The following NHEJ1 variants were observed in gnomAD, a reference collection of about 807,000 sequenced individuals.
NHEJ1 encodes non-homologous end joining factor 1.
A neutral mutation model predicts 39.4 loss-of-function variants in NHEJ1; 22 were observed. The ratio of observed to expected loss-of-function variants is 0.56; its 90% confidence interval spans 0.40 to 0.80. The LOEUF (loss-of-function observed/expected upper bound fraction) is 0.80, where lower values mean the gene tolerates loss of function less well. Ranked by LOEUF, NHEJ1 falls within the 30% of genes least tolerant of loss-of-function variation. NHEJ1 has a pLI of 0.00. For missense variants in NHEJ1, 329 were observed against 357.1 expected (o/e 0.92, Z 0.63); for synonymous variants, 154 against 135.6 (o/e 1.14, Z -0.94).
chr2:219,160,343 A>G (rs1574753238), intron 1 of NHEJ1, among the ~76,000 whole-genome samples: 1 of 151,730 alleles, frequency 6.6e-6, no homozygotes, highest in Non-Finnish European at 1.5e-5. Flanking sequence ...CCATAGCCCC[A>G]CCCCAGGAGC....
chr2:219,160,185 T>G (rs891319429), intron 1 of NHEJ1, among the ~76,000 whole-genome samples: 5 of 152,210 alleles, frequency 3.3e-5, no homozygotes, highest in Admixed American at 6.5e-5. Flanking sequence ...CTTGAGAACC[T>G]TTATCTGCAC....
chr2:219,078,210 TA>T lies in NHEJ1; in HGVS notation c.589-5del, dbSNP rs1210787026. 6.2e-7 allele frequency: 1 copy of T among 1,609,986 alleles called. No individual in the cohort carries two copies. Among genetic ancestry groups the T allele is most frequent in the African/African-American group, 1.3e-5 (1 of 74,840 alleles). ...TGCTGCATGCCTCTGGCAGTTTCTG[TA>T]AGAGAGAGGAGATACTGTCATTGGT... is the stretch of plus-strand genomic sequence containing the variant. On this transcript the variant is annotated splice_region_variant and splice_polypyrimidine_tract_variant and intron_variant, in intron 5 of 7. Coordinates refer to ENST00000356853, the MANE Select transcript of NHEJ1 (RefSeq NM_024782.3).
chr2:219,094,363 G>A (rs1030369042), intron 5 of NHEJ1, among the ~76,000 whole-genome samples: 1 of 152,214 alleles, frequency 6.6e-6, no homozygotes, highest in African/African-American at 2.4e-5. Flanking sequence ...TACTGTGGAA[G>A]CGGAGGTTGT....
intron 5 of NHEJ1, among the ~76,000 whole-genome samples, chr2:219,085,718 C>T (rs1185305867): frequency 1.3e-5 from 2 of 151,652 alleles, no homozygotes; most frequent in African/African-American, 4.8e-5. Context: ...GTCAACTCAC[C>T]CCCACCCCCG....
Position 219,076,403 on chromosome 2 carries a change from T to A in NHEJ1, c.878A>T (p.Lys293Met). 6.2e-7 allele frequency: 1 copy of A among 1,614,146 alleles called. No individual in the cohort carries two copies. The highest frequency in any genetic ancestry group is 8.5e-7 in the Non-Finnish European group (1 of 1,180,032). Residue 293 changes from lysine to methionine, a missense_variant, in exon 8 of 8, where the codon AAG (lysine) becomes ATG (methionine). Coordinates refer to ENST00000356853, the MANE Select transcript of NHEJ1 (RefSeq NM_024782.3). ...AGATTAACTGAAGAGACCCCTTGGC[T>A]TCTTCCTCTTGACCTTTGACAGCTG... The part of the protein sequence containing the change: ...RPQLSKVKRK[K>M]PRGLFS
At chr2:219,143,691 A>C (rs1000410669) in intron 5 of NHEJ1, among the ~76,000 whole-genome samples, 1 of 152,212 alleles carries the variant, frequency 6.6e-6, no homozygotes, top group African/African-American at 2.4e-5. Context: ...CAGAACCTAC[A>C]GGACCAGTAT....
rs891058186 is a variant in NHEJ1 at position 219,096,001 on chromosome 2, T to A, written c.589-17795A>T. On this transcript the variant is annotated intron_variant, in intron 5 of 7. Transcript: ENST00000356853. ...AGCATTCTACATCATCAAGAAACATTTCCTAAAACTCAACATCAAAGCCCA... is the reference window on the plus strand; with the variant it reads ...AGCATTCTACATCATCAAGAAACATATCCTAAAACTCAACATCAAAGCCCA... Among the ~76,000 whole-genome samples, 3 of 152,036 alleles carry A rather than the reference T, an allele frequency of 2.0e-5. No homozygotes were observed. The East Asian group carries it at 5.8e-4, about 29-fold the overall frequency.
intron 4 of NHEJ1, among the ~76,000 whole-genome samples, chr2:219,147,162 C>A (rs1490781676): frequency 6.6e-6 from 1 of 152,182 alleles, no homozygotes; most frequent in Non-Finnish European, 1.5e-5. Context: ...ACTTGGGCTC[C>A]AGCCAGGTAC....
intron 5 of NHEJ1, among the ~76,000 whole-genome samples, chr2:219,144,275 C>T (rs1350463995): frequency 6.6e-6 from 1 of 152,176 alleles, no homozygotes; most frequent in African/African-American, 2.4e-5. Context: ...TTATTGAAGA[C>T]TTACTACCTG....
intron 5 of NHEJ1, among the ~76,000 whole-genome samples, chr2:219,115,067 C>T (rs1238947054): frequency 6.6e-6 from 1 of 152,042 alleles, no homozygotes; most frequent in Non-Finnish European, 1.5e-5. Flanking sequence ...CTTGAAAAGA[C>T]CCGGTCTTCT....
At chr2:219,128,821 G>C (rs1039680334) in intron 5 of NHEJ1, among the ~76,000 whole-genome samples, 1 of 152,174 alleles carries the variant, frequency 6.6e-6, no homozygotes, top group African/African-American at 2.4e-5. Flanking sequence ...CTCAGTTCGA[G>C]GGCCACTGTG....
At chr2:219,155,123 T>C (rs1308689283) in intron 3 of NHEJ1, among the ~76,000 whole-genome samples, 1 of 151,716 alleles carries the variant, frequency 6.6e-6, no homozygotes, top group Non-Finnish European at 1.5e-5. Flanking sequence ...ACACTACATA[T>C]TCCGCATTTC....
chr2:219,116,637 G>A (rs1422670274), intron 5 of NHEJ1, among the ~76,000 whole-genome samples: 2 of 152,150 alleles, frequency 1.3e-5, no homozygotes, highest in East Asian at 1.9e-4. Context: ...GATTACAGGT[G>A]TAAGCTACCA....
intron 5 of NHEJ1, among the ~76,000 whole-genome samples, chr2:219,135,636 T>C (rs1486744268): frequency 6.6e-6 from 1 of 151,804 alleles, no homozygotes; most frequent in African/African-American, 2.4e-5. Flanking sequence ...ACATCAAACA[T>C]CATCACTGCC....
At chr2:219,082,092 G>A (rs1006505482) in intron 5 of NHEJ1, among the ~76,000 whole-genome samples, 2 of 152,222 alleles carry the variant, frequency 1.3e-5, no homozygotes, top group Admixed American at 6.5e-5. Flanking sequence ...ATCCAGAGCT[G>A]CTTCCAGGCT....
intron 5 of NHEJ1, among the ~76,000 whole-genome samples, chr2:219,097,504 T>C (rs1949219729): frequency 6.6e-6 from 1 of 152,238 alleles, no homozygotes; most frequent in South Asian, 2.1e-4. Flanking sequence ...CATGCTGGAT[T>C]CAAACTCCTG....
intron 3 of NHEJ1, among the ~76,000 whole-genome samples, chr2:219,152,606 A>T (rs1949806365): frequency 6.6e-6 from 1 of 152,122 alleles, no homozygotes; most frequent in East Asian, 1.9e-4. Flanking sequence ...CTACAGGCAC[A>T]TGCCACCACA....
Position 219,076,347 on chromosome 2 carries a change from C to T in NHEJ1, c.*34G>A, listed in dbSNP as rs1949013562. On this transcript the variant is annotated 3_prime_UTR_variant, in exon 8 of 8. Transcript: ENST00000356853. The stretch of plus-strand genomic sequence containing the variant: ...AAGGTGAAGCTTGGAAGCTGTTCTC[C>T]AAGTCCATCCTCAGCAGCTGAGGCC... The T allele has an allele frequency of 6.2e-7, 1 of 1,614,110 alleles. No homozygotes were observed. Among genetic ancestry groups the T allele is most frequent in the African/African-American group, 1.3e-5 (1 of 75,016 alleles).
At chr2:219,140,979 G>A (rs1045517604) in intron 5 of NHEJ1, among the ~76,000 whole-genome samples, 2 of 152,186 alleles carry the variant, frequency 1.3e-5, no homozygotes, top group African/African-American at 4.8e-5. Flanking sequence ...TCATAATCAA[G>A]TTTCAGTTTC....
Sources: allele counts gnomAD v4.1 joint callset (sites outside exome capture counted in the v4.1 genomes callset), GRCh38; gene constraint gnomAD v4.1.1; transcripts MANE v1.5; gene names NCBI Gene and HGNC (gene_info 2026-07-23, HGNC 2026-07-21).